Variants in USP11 observed in about 807,000 individuals in gnomAD.
The protein encoded by USP11 is ubiquitin carboxyl-terminal hydrolase 11.
A neutral mutation model predicts 72.8 loss-of-function variants in USP11; 5 were observed. That is an observed-to-expected ratio of 0.07 (90% CI 0.04 to 0.14). USP11 has a LOEUF of 0.14. Ranked by LOEUF, USP11 falls within the 10% of genes least tolerant of loss-of-function variation. The pLI is 1.00. For synonymous variants in USP11, 368 were observed against 326.5 expected (o/e 1.13, Z -1.37); for missense variants, 480 against 794.7 (o/e 0.60, Z 4.76).
At position 47,241,837 on chromosome X, in the gene USP11, T is replaced by A. The variant is rs928799672; in HGVS notation, c.1179+138T>A. On this transcript the variant is annotated intron_variant, in intron 9 of 20. Coordinates refer to ENST00000377107, the MANE Select transcript of USP11 (RefSeq NM_001371072.1). ...TACCTGACCTCAACTCCAGCCTTAC[T>A]CTTAACCTTAGTTGCAATACCATAT... 9 of 855,947 alleles carry A rather than the reference T, an allele frequency of 1.1e-5. No individual in the cohort carries two copies. The African/African-American group carries it at 1.6e-4, about 16-fold the overall frequency. The allele number at this position is 855,947 out of a possible 1,213,427, so 70.5% of individuals were successfully genotyped here.
At position 47,240,648 on chromosome X, in the gene USP11, T is replaced by C; in HGVS notation, c.743T>C (p.Met248Thr). ...TGGCCCAGCGCACAGCTGCATGTCA[T>C]GTGAGCCCTTGGGGTATCTGGTCCA... ...GTWPSAQLHV[M>T]NNNMSEEDED... The change falls in exon 6 of 21, where the codon ATG (methionine) becomes ACG (threonine). Residue 248 changes from methionine (M) to threonine (T), a missense_variant and splice_region_variant. Physicochemically the swap from Met to Thr is moderately conservative, Grantham distance 81 (BLOSUM62 -1). Coordinates refer to ENST00000377107, the MANE Select transcript of USP11 (RefSeq NM_001371072.1). The C allele has an allele frequency of 8.2e-7, 1 of 1,212,149 alleles. No individual in the cohort carries two copies. The highest frequency in any genetic ancestry group is 1.1e-6 in the Non-Finnish European group (1 of 895,588).
chrX:47,236,467 G>A (rs945594870), intron 1 of USP11, among the ~76,000 whole-genome samples: 1 of 112,309 alleles, frequency 8.9e-6, no homozygotes, highest in African/African-American at 3.2e-5. Flanking sequence ...AGATTTGGGT[G>A]AGGGTAGTTA....
chrX:47,245,525 A>T, intron 17 of USP11, 43 bp downstream of exon 17: 305 of 703,370 alleles, frequency 4.3e-4, no homozygotes, highest in Non-Finnish European at 6.2e-4. Flanking sequence ...GTTTCATTGG[A>T]TGGAACTACT....
In USP11 at chrX:47,245,314, A is replaced by C; in HGVS notation, c.2158-56A>C. ...CTCCCCCGCTGGGCCCCCACTCCCC[A>C]TTTCTCCATCTGTCCTCACAGCCGG... On this transcript the variant is annotated intron_variant, in intron 16 of 20. Transcript: ENST00000377107. The C allele has an allele frequency of 2.7e-6, 3 of 1,103,911 alleles. No homozygotes were observed. The South Asian group carries it at 5.7e-5, about 21-fold the overall frequency. The allele number at this position is 1,103,911 out of a possible 1,213,427, so 91.0% of individuals were successfully genotyped here. A position where few individuals can be genotyped will look rare whatever the true frequency, so the allele number is the denominator to read the frequency against.
At chrX:47,239,285 G>T in intron 2 of USP11, 66 bp from the exon 3 acceptor site, 1 of 1,185,855 alleles carries the variant, frequency 8.4e-7, no homozygotes, top group Admixed American at 2.4e-5. Context: ...CTGGTGGGGT[G>T]GCCAGAGTCA....
At chrX:47,234,832 A>G (rs1479902266) in intron 1 of USP11, among the ~76,000 whole-genome samples, 2 of 111,948 alleles carry the variant, frequency 1.8e-5, no homozygotes, top group African/African-American at 6.5e-5. Flanking sequence ...ATAAGTCAAA[A>G]CTTCATGCTG....
In USP11 at chrX:47,242,207, C is replaced by T; in HGVS notation, c.1305C>T (p.Phe435=). Residue 435 remains phenylalanine, a synonymous_variant, in exon 10 of 21, where the codon TTC becomes TTT. Coordinates refer to ENST00000377107, the MANE Select transcript of USP11 (RefSeq NM_001371072.1). ...CPDCGNVSVT[F]DPFCYLSVPL... ...ATTGTGGCAATGTATCTGTGACCTT[C>T]GACCCCTTCTGCTACCTCAGTGTTC... is the stretch of plus-strand genomic sequence containing the variant. The T allele has an allele frequency of 8.3e-7, 1 of 1,211,712 alleles. No individual in the cohort carries two copies. Among genetic ancestry groups the T allele is most frequent in the Non-Finnish European group, 1.1e-6 (1 of 895,405 alleles).
intron 1 of USP11, among the ~76,000 whole-genome samples, chrX:47,238,467 C>T (rs917018163): frequency 6.5e-5 from 6 of 91,749 alleles, no homozygotes; most frequent in Non-Finnish European, 1.2e-4. Flanking sequence ...GGATTACTGG[C>T]GTGAGCCACT....
chrX:47,239,775 C>T lies in USP11; in HGVS notation c.418-15C>T. On this transcript the variant is annotated splice_polypyrimidine_tract_variant and intron_variant, in intron 3 of 20. Coordinates refer to ENST00000377107, the MANE Select transcript of USP11 (RefSeq NM_001371072.1). ...GTGTGAGTACACCTGTGTCTGCACCCCTCTACTCTTACAGGTCATAGAGCT... is the reference window on the plus strand; with the variant it reads ...GTGTGAGTACACCTGTGTCTGCACCTCTCTACTCTTACAGGTCATAGAGCT... 8.3e-7 allele frequency: 1 copy of T among 1,200,700 alleles called. No individual in the cohort carries two copies. Among genetic ancestry groups the T allele is most frequent in the Admixed American group, 2.2e-5 (1 of 46,024 alleles).
At chrX:47,247,542 A>G in intron 19 of USP11, 69 bp from the exon 20 acceptor site, 1 of 1,161,601 alleles carries the variant, frequency 8.6e-7, no homozygotes, top group Non-Finnish European at 1.2e-6. Context: ...GGGAGGAGTG[A>G]CAAGAGTGAA....
chrX:47,238,681 C>G (rs973514153), intron 1 of USP11, among the ~76,000 whole-genome samples: 1 of 110,534 alleles, frequency 9.0e-6, no homozygotes, highest in Non-Finnish European at 1.9e-5. Context: ...TGGCTAAAGC[C>G]TTATAAAATT....
intron 1 of USP11, among the ~76,000 whole-genome samples, chrX:47,235,223 G>A (rs147169035): frequency 2.7e-5 from 3 of 111,519 alleles, no homozygotes; most frequent in South Asian, 7.4e-4. Flanking sequence ...ATCCCTAAGC[G>A]GTATGTATTG....
chrX:47,234,958 G>A (rs775729747), intron 1 of USP11, among the ~76,000 whole-genome samples: 2 of 112,314 alleles, frequency 1.8e-5, no homozygotes, highest in Admixed American at 1.9e-4. Flanking sequence ...TGGAGAATCT[G>A]GATGAAGGAC....
At position 47,242,450 on chromosome X, in the gene USP11, G is replaced by A; in HGVS notation, c.1416G>A (p.Val472=). ...CGTTTTTCCCTTAGCACCGGCTCGT[G>A]GTCCCCAAGAAAGGCAAGATCTCGG... ...PRRKPEQHRL[V]VPKKGKISDL... The change falls in exon 11 of 21, where the codon GTG becomes GTA. Residue 472 remains valine (V), a synonymous_variant. Transcript: ENST00000377107. The A allele has an allele frequency of 2.5e-6, 3 of 1,211,882 alleles. No homozygotes were observed. Among genetic ancestry groups the A allele is most frequent in the Non-Finnish European group, 1.1e-6 (1 of 895,502 alleles).
chrX:47,235,063 C>T (rs1448363400), intron 1 of USP11, among the ~76,000 whole-genome samples: 1 of 111,901 alleles, frequency 8.9e-6, no homozygotes, highest in Non-Finnish European at 1.9e-5. Context: ...AATTCACCAT[C>T]CATGTTAAGA....
At chrX:47,236,583 C>A (rs768324142) in intron 1 of USP11, among the ~76,000 whole-genome samples, 1 of 112,030 alleles carries the variant, frequency 8.9e-6, no homozygotes, top group Non-Finnish European at 1.9e-5. Flanking sequence ...TCACTTTTTC[C>A]TTTTGTGGGA....
At position 47,247,597 on chromosome X, in the gene USP11, T is replaced by G; in HGVS notation, c.2537-14T>G. 1 of 1,208,161 alleles carries G rather than the reference T, an allele frequency of 8.3e-7. No individual in the cohort carries two copies. Among genetic ancestry groups the G allele is most frequent in the Non-Finnish European group, 1.1e-6 (1 of 892,676 alleles). ...CAGGAAGGGTAGGCGAGGATAACTCTCCTTCCCTTTCAGACACAACATTTG... is the reference window on the plus strand; with the variant it reads ...CAGGAAGGGTAGGCGAGGATAACTCGCCTTCCCTTTCAGACACAACATTTG... On this transcript the variant is annotated splice_polypyrimidine_tract_variant and intron_variant, in intron 19 of 20. Transcript: ENST00000377107.
At chrX:47,240,283 T>C (rs2055395395) in intron 4 of USP11, 22 bp from the exon 5 acceptor site, 2 of 1,206,623 alleles carry the variant, frequency 1.7e-6, no homozygotes, top group Admixed American at 4.4e-5. Context: ...AGATCTTGAA[T>C]GTACTCCATC....
Position 47,247,093 on chromosome X carries a change from G to A in USP11, c.2292G>A (p.Gln764=). 2 of 1,211,180 alleles carry A rather than the reference G, an allele frequency of 1.7e-6. No homozygotes were observed. Among genetic ancestry groups the A allele is most frequent in the Non-Finnish European group, 2.2e-6 (2 of 895,376 alleles). ...GTAGGTACTGCCCTTCCTGCAAGCAGCACCAGCTGGCAACCAAGAAGCTGG... is the reference window on the plus strand; with the variant it reads ...GTAGGTACTGCCCTTCCTGCAAGCAACACCAGCTGGCAACCAAGAAGCTGG... ...ENPWYCPSCK[Q]HQLATKKLDL... Residue 764 remains glutamine (Q), a synonymous_variant, in exon 18 of 21, where the codon CAG becomes CAA. Coordinates refer to ENST00000377107, the MANE Select transcript of USP11 (RefSeq NM_001371072.1).
Sources: gnomAD v4.1 joint callset for allele counts (sites outside exome capture counted in the v4.1 genomes callset) on GRCh38, gnomAD v4.1.1 for gene constraint, MANE v1.5 for transcripts, NCBI Gene and HGNC (gene_info 2026-07-23, HGNC 2026-07-21) for gene names.